Variants in SAMD12 observed in about 807,000 individuals in gnomAD.
The protein encoded by SAMD12 is sterile alpha motif domain containing 12, also known as sterile alpha motif domain-containing protein 12.
In SAMD12, 9 loss-of-function variants were observed where a neutral mutation model predicts 15.0. That is an observed-to-expected ratio of 0.60 (90% CI 0.36 to 1.05). The LOEUF is 1.05. SAMD12 is among the 50% of genes least tolerant of loss of function. The probability of loss-of-function intolerance (pLI) is 0.01; values close to 1 mark genes in which losing one functional copy is unlikely to be tolerated. For synonymous variants in SAMD12, 86 were observed against 90.1 expected, an observed-to-expected ratio of 0.96 and a Z score of 0.25; for missense variants, 230 against 234.2, an observed-to-expected ratio of 0.98 and a Z score of 0.12.
chr8:118,230,728 G>GAAAA (rs1812293958), intron 4 of SAMD12, among the ~76,000 whole-genome samples: 1 of 152,110 alleles, frequency 6.6e-6, no homozygotes, highest in African/African-American at 2.4e-5. Flanking sequence ...AAAATAGCAA[G>GAAAA]TGGAAAGGCC....
chr8:118,253,239 A>ACT (rs1222698939), intron 4 of SAMD12, among the ~76,000 whole-genome samples: 1 of 152,190 alleles, frequency 6.6e-6, no homozygotes, highest in Non-Finnish European at 1.5e-5. Context: ...ACTCGCAGAA[A>ACT]GGCAGTGTAC....
intron 2 of SAMD12, among the ~76,000 whole-genome samples, chr8:118,546,172 G>A (rs979048042): frequency 6.6e-5 from 10 of 152,176 alleles, no homozygotes; most frequent in African/African-American, 2.2e-4. Context: ...TCAGAGAATA[G>A]AATAAGGGGA....
At chr8:118,149,507 T>C in the SAMD12 span, among the ~76,000 whole-genome samples, 1 of 152,238 alleles carries the variant, frequency 6.6e-6, no homozygotes, top group Non-Finnish European at 1.5e-5. Context: ...CTTTATGTCT[T>C]CTGGGTTCCA....
At chr8:118,593,249 C>CT (rs1827632145) in intron 1 of SAMD12, among the ~76,000 whole-genome samples, 1 of 152,094 alleles carries the variant, frequency 6.6e-6, no homozygotes, top group East Asian at 1.9e-4. Flanking sequence ...AGAATTAACA[C>CT]TTTAAAAACT....
chr8:118,192,511 G>A (rs1222400429), exon 5 of SAMD12: 1 of 152,142 alleles, frequency 6.6e-6, no homozygotes, highest in Admixed American at 6.6e-5. Context: ...CAGTAGGGCT[G>A]TTATTAATAC....
intron 4 of SAMD12, among the ~76,000 whole-genome samples, chr8:118,232,267 C>G (rs1812328336): frequency 6.6e-6 from 1 of 152,104 alleles, no homozygotes. Context: ...AAACACATAA[C>G]AGGGGCATCT....
the SAMD12 span, among the ~76,000 whole-genome samples, chr8:118,150,815 T>A: frequency 2.0e-5 from 3 of 152,140 alleles, no homozygotes; most frequent in Non-Finnish European, 4.4e-5. Context: ...GTGTTTTAAG[T>A]GAAAGTCTGT....
Position 118,379,646 on chromosome 8 carries a change from T to A in SAMD12, c.377A>T (p.Gln126Leu). Residue 126 changes from glutamine to leucine, a missense_variant, in exon 4 of 4, where the codon CAG becomes CTG. Transcript: ENST00000314727. ...DKKLERMGIA[Q>L]ENLRQHILQQ... is the part of the protein sequence containing the mutation. ...TAAGATGTGCTGCCGGAGGTTCTCC[T>A]GGGCAATCCCCATTCGCTCGAGCTT... 6.2e-7 allele frequency: 1 copy of A among 1,613,908 alleles called. No homozygotes were observed. The highest frequency in any genetic ancestry group is 2.2e-5 in the East Asian group (1 of 44,862).
intron 4 of SAMD12, among the ~76,000 whole-genome samples, chr8:118,330,110 T>C (rs922869905): frequency 3.3e-5 from 5 of 152,156 alleles, no homozygotes; most frequent in African/African-American, 7.2e-5. Flanking sequence ...CTGAAAGAAA[T>C]AGAACAACCA....
Position 118,378,671 on chromosome 8 carries a change from A to G in SAMD12, c.*746T>C, listed in dbSNP as rs1586631349. The G allele has an allele frequency of 2.0e-6, 2 of 985,040 alleles. No individual in the cohort carries two copies. The highest frequency in any genetic ancestry group is 9.4e-5 in the South Asian group (2 of 21,280). 61.0% of individuals were successfully genotyped at this position (985,040 alleles called of 1,614,324 possible). ...GAATGACAAATACTCAAGGCTCTCA[A>G]AAACACATATTTTATCATCCTTTCA... On this transcript the variant is annotated 3_prime_UTR_variant, in exon 4 of 4. Transcript: ENST00000314727.
At position 118,406,186 on chromosome 8, in the gene SAMD12, T is replaced by G. The variant is rs1296712171; in HGVS notation, c.323-26486A>C. On this transcript the variant is annotated intron_variant, in intron 3 of 3. Coordinates refer to ENST00000314727, the MANE Select transcript of SAMD12 (RefSeq NM_207506.3). ...TCTCTAATATTTCTTATCAGGAAAT[T>G]AGATTCAAACAAACACTATGGATTC... Among the ~76,000 whole-genome samples the G allele has an allele frequency of 3.3e-5, 5 of 152,012 alleles. No individual in the cohort carries two copies. In the East Asian group the frequency reaches 9.6e-4, roughly 29 times the overall value.
At chr8:118,465,358 A>G (rs775089876) in intron 2 of SAMD12, among the ~76,000 whole-genome samples, 1 of 152,100 alleles carries the variant, frequency 6.6e-6, no homozygotes, top group Non-Finnish European at 1.5e-5. Context: ...AGCAACATTT[A>G]TTTTATTTTC....
chr8:118,578,728 C>T (rs1827211223), intron 2 of SAMD12, among the ~76,000 whole-genome samples: 1 of 152,244 alleles, frequency 6.6e-6, no homozygotes, highest in South Asian at 2.1e-4. Flanking sequence ...TTTAACTGTT[C>T]CCCCAGCAGC....
intron 3 of SAMD12, among the ~76,000 whole-genome samples, chr8:118,386,459 C>A (rs1429034976): frequency 1.3e-5 from 2 of 152,114 alleles, no homozygotes; most frequent in Admixed American, 1.3e-4. Flanking sequence ...TTGTGAAGAT[C>A]CTCAACTTAA....
At chr8:118,187,463 A>G (rs890555243), downstream of SAMD12, among the ~76,000 whole-genome samples, 1 of 152,236 alleles carries the variant, frequency 6.6e-6, no homozygotes, top group African/African-American at 2.4e-5. Flanking sequence ...AATGCATTTA[A>G]GGATTTCTCT....
chr8:118,604,849 G>C (rs1449429496), intron 1 of SAMD12, among the ~76,000 whole-genome samples: 1 of 152,030 alleles, frequency 6.6e-6, no homozygotes, highest in Non-Finnish European at 1.5e-5. Flanking sequence ...ATGAACCCGG[G>C]GGACGGAGCT....
chr8:118,168,535 C>T, the SAMD12 span, among the ~76,000 whole-genome samples: 5,309 of 152,274 alleles, frequency 0.035, 300 homozygotes, highest in African/African-American at 0.12. Context: ...AGATTCTCCT[C>T]ATTACATTCT....
intron 1 of SAMD12, among the ~76,000 whole-genome samples, chr8:118,609,977 A>G (rs1317147260): frequency 6.6e-6 from 1 of 152,182 alleles, no homozygotes; most frequent in African/African-American, 2.4e-5. Flanking sequence ...GCTGGACTGT[A>G]AGTTCCAAGA....
At chr8:118,492,018 A>G (rs1288461262) in intron 2 of SAMD12, among the ~76,000 whole-genome samples, 1 of 151,986 alleles carries the variant, frequency 6.6e-6, no homozygotes, top group East Asian at 1.9e-4. Flanking sequence ...TGTGTGTTTA[A>G]GTTTGAGGAA....
Sources: allele counts gnomAD v4.1 joint callset (sites outside exome capture counted in the v4.1 genomes callset), GRCh38; gene constraint gnomAD v4.1.1; transcripts MANE v1.5; gene names NCBI Gene and HGNC (gene_info 2026-07-23, HGNC 2026-07-21).